The following KCNH7 variants were observed in gnomAD, a reference collection of about 807,000 sequenced individuals.
KCNH7 encodes potassium voltage-gated channel subfamily H member 7.
KCNH7 carries 49 observed loss-of-function variants against 120.8 expected under a neutral mutation model. That is an observed-to-expected ratio of 0.41 (90% CI 0.32 to 0.51). The LOEUF (loss-of-function observed/expected upper bound fraction) is 0.51, where lower values mean the gene tolerates loss of function less well. KCNH7 is among the 20% of genes least tolerant of loss of function. The pLI is 0.38. For synonymous variants in KCNH7, 547 were observed against 516.1 expected (o/e 1.06, Z -0.81); for missense variants, 1,097 against 1,446.6 (o/e 0.76, Z 3.92).
Position 162,462,537 on chromosome 2 carries a change from AAG to A in KCNH7, c.1129-16096_1129-16095del, listed in dbSNP as rs10589133. ...AGTGAGAGCAAGAGAGAGAGAGAGC[AAG>A]AGAGAGAGAGAGAGAGAGAGAGTCA... On this transcript the variant is annotated intron_variant, in intron 6 of 15. Coordinates refer to ENST00000332142, the MANE Select transcript of KCNH7 (RefSeq NM_033272.4). 8.0e-3 allele frequency among the ~76,000 whole-genome samples: 1,175 copies of A among 146,612 alleles called. 9 individuals are homozygous for A. Among genetic ancestry groups the A allele is most frequent in the African/African-American group, 0.02 (817 of 40,376 alleles).
chr2:162,632,829 A>C (rs114718631), intron 2 of KCNH7, among the ~76,000 whole-genome samples: 4,432 of 151,954 alleles, frequency 0.029, 77 homozygotes, highest in Non-Finnish European at 0.041. Flanking sequence ...CTAACAAATA[A>C]ATTTTATATG....
At chr2:162,836,500 G>A (rs1219621741) in intron 2 of KCNH7, 37 bp downstream of exon 2, 13 of 1,526,808 alleles carry the variant, frequency 8.5e-6, no homozygotes, top group Non-Finnish European at 1.2e-5. Flanking sequence ...TTTTCAATGG[G>A]ATCAAATAGA....
chr2:162,836,815 T>G, intron 1 of KCNH7, 48 bp from the exon 2 acceptor site: 1 of 1,380,376 alleles, frequency 7.2e-7, no homozygotes, highest in Non-Finnish European at 1.0e-6. Flanking sequence ...TTCCACAATA[T>G]TCTCCGTAAC....
At chr2:162,689,144 T>C (rs1466221676) in intron 2 of KCNH7, among the ~76,000 whole-genome samples, 1 of 94,232 alleles carries the variant, frequency 1.1e-5, no homozygotes, top group Admixed American at 9.2e-5. Flanking sequence ...ATTTAGTTAC[T>C]ATTATTATTA....
chr2:162,822,536 T>G (rs1685152526), intron 2 of KCNH7, among the ~76,000 whole-genome samples: 1 of 152,078 alleles, frequency 6.6e-6, no homozygotes, highest in African/African-American at 2.4e-5. Context: ...AACATTAGAC[T>G]ATGCTCCCTC....
intron 14 of KCNH7, among the ~76,000 whole-genome samples, chr2:162,379,441 TA>T (rs1262854646): frequency 6.6e-6 from 1 of 152,186 alleles, no homozygotes; most frequent in African/African-American, 2.4e-5. Context: ...ACTAAAAGTT[TA>T]AATCACTTTG....
At chr2:162,748,625 C>G (rs549844932) in intron 2 of KCNH7, among the ~76,000 whole-genome samples, 1 of 152,168 alleles carries the variant, frequency 6.6e-6, no homozygotes, top group Non-Finnish European at 1.5e-5. Context: ...AAGTGTTTTT[C>G]TTCCAAAATT....
At chr2:162,830,270 G>A (rs1685430276) in intron 2 of KCNH7, among the ~76,000 whole-genome samples, 1 of 152,140 alleles carries the variant, frequency 6.6e-6, no homozygotes, top group Non-Finnish European at 1.5e-5. Flanking sequence ...AGACTAAACA[G>A]AGCCTCAGTA....
intron 2 of KCNH7, among the ~76,000 whole-genome samples, chr2:162,573,475 A>T (rs149837051): frequency 6.6e-6 from 1 of 152,216 alleles, no homozygotes; most frequent in East Asian, 1.9e-4. Flanking sequence ...TTAAGCTGAC[A>T]TACCTTAGAA....
chr2:162,504,478 C>A lies in KCNH7; in HGVS notation c.1093G>T (p.Asp365Tyr). The change falls in exon 6 of 16, where the codon GAT becomes TAT. Residue 365 changes from aspartate (D) to tyrosine (Y), a missense_variant. Asp to Tyr is a radical substitution (Grantham distance 160). Transcript: ENST00000332142. ...DKTIIAPKVKDRTHNVTEKVT... is the reference protein window; with the variant it reads ...DKTIIAPKVKYRTHNVTEKVT... ...TTCTCAGTCACATTGTGTGTTCGAT[C>A]TTTAACCTTGGGTGCAATAATGGTT... 6.2e-7 allele frequency: 1 copy of A among 1,612,998 alleles called. No individual in the cohort carries two copies. The highest frequency in any genetic ancestry group is 1.1e-5 in the South Asian group (1 of 91,062).
intron 2 of KCNH7, among the ~76,000 whole-genome samples, chr2:162,647,436 T>A (rs1441301195): frequency 1.3e-5 from 2 of 152,198 alleles, no homozygotes; most frequent in Non-Finnish European, 2.9e-5. Context: ...TGTGGCCACA[T>A]TTACAGATTC....
intron 9 of KCNH7, among the ~76,000 whole-genome samples, chr2:162,416,357 T>C (rs1687541354): frequency 7.0e-6 from 1 of 143,776 alleles, no homozygotes; most frequent in Non-Finnish European, 1.5e-5. Context: ...TGAGCAACAG[T>C]GTGAGACTCC....
intron 2 of KCNH7, among the ~76,000 whole-genome samples, chr2:162,753,281 C>T (rs1396673646): frequency 6.6e-6 from 1 of 151,938 alleles, no homozygotes; most frequent in Admixed American, 6.6e-5. Context: ...TTTAATTTGG[C>T]CTAGTTTGAT....
At chr2:162,820,123 T>C (rs1685060603) in intron 2 of KCNH7, among the ~76,000 whole-genome samples, 1 of 144,668 alleles carries the variant, frequency 6.9e-6, no homozygotes, top group Admixed American at 7.2e-5. Context: ...CACTGCAAAT[T>C]CCGCCTCCTG....
At chr2:162,534,692 C>T (rs1314637360) in intron 3 of KCNH7, among the ~76,000 whole-genome samples, 2 of 151,606 alleles carry the variant, frequency 1.3e-5, no homozygotes, top group African/African-American at 2.4e-5. Flanking sequence ...TCTAGATAAT[C>T]CTCAAACTAT....
At chr2:162,417,770 T>C (rs1402380975) in intron 9 of KCNH7, among the ~76,000 whole-genome samples, 1 of 152,172 alleles carries the variant, frequency 6.6e-6, no homozygotes, top group Non-Finnish European at 1.5e-5. Context: ...GAGACCAGGA[T>C]GAAGTGACCA....
At chr2:162,650,627 TCTC>T (rs2105257822) in intron 2 of KCNH7, among the ~76,000 whole-genome samples, 1 of 152,206 alleles carries the variant, frequency 6.6e-6, no homozygotes, top group South Asian at 2.1e-4. Flanking sequence ...AAGGTTAAAT[TCTC>T]CTGTCAGGTA....
At chr2:162,738,824 A>C (rs35426307) in intron 2 of KCNH7, among the ~76,000 whole-genome samples, 3,030 of 152,286 alleles carry the variant, frequency 0.02, 68 homozygotes, top group East Asian at 0.11. Flanking sequence ...CTCTCTCTTG[A>C]GAGCTCGACA....
rs550972283 is a variant in KCNH7, at chr2:162,597,824, A to G, written c.308-60744T>C. 2.0e-5 allele frequency among the ~76,000 whole-genome samples: 3 copies of G among 152,234 alleles called. No homozygotes were observed. In the South Asian group the frequency reaches 6.2e-4, roughly 32 times the overall value. Reference sequence around the variant, plus strand: ...TTGTATCCCATAAGTATATGCAATTATTGTCAACTAAAAATAAGAATGAAA... The same window carrying G: ...TTGTATCCCATAAGTATATGCAATTGTTGTCAACTAAAAATAAGAATGAAA... On this transcript the variant is annotated intron_variant, in intron 2 of 15. Coordinates refer to ENST00000332142, the MANE Select transcript of KCNH7 (RefSeq NM_033272.4).
Sources: gnomAD v4.1 joint callset for allele counts (sites outside exome capture counted in the v4.1 genomes callset) on GRCh38, gnomAD v4.1.1 for gene constraint, MANE v1.5 for transcripts, NCBI Gene and HGNC (gene_info 2026-07-23, HGNC 2026-07-21) for gene names.